Variants in COL25A1 observed in about 807,000 individuals in gnomAD.
COL25A1 encodes collagen alpha-1(XXV) chain.
Under a neutral mutation model 128.4 loss-of-function variants are expected in COL25A1, and 103 were observed. That is an observed-to-expected ratio of 0.80 (90% CI 0.68 to 0.94). The LOEUF is 0.94. Among genes scored for constraint, COL25A1 ranks in the 40% least tolerant of loss-of-function variants. The probability of loss-of-function intolerance (pLI) is 0.00; values close to 1 mark genes in which losing one functional copy is unlikely to be tolerated. For synonymous variants in COL25A1, 279 were observed against 277.2 expected (o/e 1.01, Z -0.06); for missense variants, 745 against 840.0 (o/e 0.89, Z 1.40).
At chr4:109,297,359 TTC>T (rs1157729857) in intron 3 of COL25A1, among the ~76,000 whole-genome samples, 1 of 152,154 alleles carries the variant, frequency 6.6e-6, no homozygotes, top group African/African-American at 2.4e-5. Flanking sequence ...ATTAAGCTAC[TTC>T]TTTTTGTAAA....
Position 109,006,378 on chromosome 4 carries a change from A to ATTTTTTTTTTT in COL25A1, c.438+3969_438+3979dup, listed in dbSNP as rs56845799. On this transcript the variant is annotated intron_variant, in intron 6 of 37. Transcript: ENST00000399132. ...AGGTGTGCACTGCCACACCCAGCTAATTTTTTTTTTTTTTTTTTTTTTTTT... is the reference window on the plus strand; with the variant it reads ...AGGTGTGCACTGCCACACCCAGCTAATTTTTTTTTTTTTTTTTTTTTTTTTTTTTTTTTTTT... Among the ~76,000 whole-genome samples, 142 of 51,880 alleles carry ATTTTTTTTTTT rather than the reference A, an allele frequency of 2.7e-3. 2 individuals carry two copies. Among genetic ancestry groups the ATTTTTTTTTTT allele is most frequent in the East Asian group, 5.2e-3 (6 of 1,164 alleles). 34.0% of individuals were successfully genotyped at this position (51,880 alleles called of 152,430 possible). A position where few individuals can be genotyped will look rare whatever the true frequency, so the allele number is the denominator to read the frequency against.
At chr4:109,300,553 G>C (rs745720191) in intron 3 of COL25A1, 30 bp downstream of exon 3, 1 of 1,486,510 alleles carries the variant, frequency 6.7e-7, no homozygotes, top group Non-Finnish European at 9.4e-7. Context: ...CTGCTCTGGA[G>C]GAAACCTTGT....
rs1387114596 is a variant in COL25A1 at position 108,974,311 on chromosome 4, A to G, written c.492+56T>C. 34 of 1,588,742 alleles carry G rather than the reference A, an allele frequency of 2.1e-5. 1 individual carries two copies. The South Asian group carries it at 3.2e-4, about 15-fold the overall frequency. On this transcript the variant is annotated intron_variant, in intron 8 of 37. Coordinates refer to ENST00000399132, the MANE Select transcript of COL25A1 (RefSeq NM_198721.4). ...TATGAAGCTGGGGTACTTTCATTCA[A>G]TAAACTTGGAGTTAGAAACTAATTT...
chr4:108,813,968 T>A, intron 37 of COL25A1, 39 bp from the exon 38 acceptor site: 1 of 1,508,806 alleles, frequency 6.6e-7, no homozygotes, highest in Non-Finnish European at 9.2e-7. Flanking sequence ...TACATGGAAT[T>A]AGTAGTCTTG....
At chr4:109,100,305 A>G (rs1339934626) in intron 3 of COL25A1, among the ~76,000 whole-genome samples, 4 of 152,180 alleles carry the variant, frequency 2.6e-5, no homozygotes, top group Admixed American at 2.6e-4. Context: ...AAAAATCATA[A>G]AAGTGGAATG....
chr4:108,819,132 G>A, intron 36 of COL25A1, 120 bp downstream of exon 36: 2 of 661,428 alleles, frequency 3.0e-6, no homozygotes, highest in Admixed American at 3.3e-5. Flanking sequence ...TCATGCACAT[G>A]CATGTAGTGT....
chr4:109,217,441 ACT>A (rs1247359255), intron 3 of COL25A1, among the ~76,000 whole-genome samples: 1 of 152,080 alleles, frequency 6.6e-6, no homozygotes, highest in African/African-American at 2.4e-5. Flanking sequence ...ATATTTATAA[ACT>A]CTTTTATAGA....
intron 3 of COL25A1, among the ~76,000 whole-genome samples, chr4:109,124,181 A>T (rs1252824672): frequency 6.6e-6 from 1 of 152,074 alleles, no homozygotes; most frequent in Non-Finnish European, 1.5e-5. Context: ...GGTATTTTTG[A>T]CAATCCCTGC....
At position 108,819,276 on chromosome 4, in the gene COL25A1, A is replaced by T. The variant is rs1413700734; in HGVS notation, c.1899T>A (p.Asp633Glu). Residue 633 changes from aspartate (D) to glutamate (E), a missense_variant, in exon 36 of 38, where the codon GAT (aspartate) becomes GAA (glutamate). Coordinates refer to ENST00000399132, the MANE Select transcript of COL25A1 (RefSeq NM_198721.4). ...CCAATTGGCAAGGGGCATCCAGCCC[A>T]TCCAGGCCAGGCTGGCCTGGCTCCC... Reference protein sequence around the residue: ...EKGEPGQPGLDGLDAPCQLGP... With the variant: ...EKGEPGQPGLEGLDAPCQLGP... The T allele has an allele frequency of 1.9e-6, 3 of 1,612,954 alleles. No individual in the cohort carries two copies.
chr4:109,258,087 C>T (rs1440124769), intron 3 of COL25A1, among the ~76,000 whole-genome samples: 1 of 152,154 alleles, frequency 6.6e-6, no homozygotes, highest in Non-Finnish European at 1.5e-5. Flanking sequence ...CCAGCCCTGC[C>T]TTTCCATCCT....
chr4:109,049,326 T>A (rs1313239746), intron 4 of COL25A1, among the ~76,000 whole-genome samples: 1 of 152,208 alleles, frequency 6.6e-6, no homozygotes, highest in Non-Finnish European at 1.5e-5. Flanking sequence ...TAAGACTTTA[T>A]GTGGTCATTT....
At chr4:108,940,742 T>C in intron 9 of COL25A1, 96 bp from the exon 10 acceptor site, 2 of 764,844 alleles carry the variant, frequency 2.6e-6, no homozygotes, top group South Asian at 1.9e-5. Context: ...CTAATTCACA[T>C]TTACACTATG....
At chr4:108,852,306 T>G (rs760588990) in intron 25 of COL25A1, 26 bp from the exon 26 acceptor site, 1 of 1,563,974 alleles carries the variant, frequency 6.4e-7, no homozygotes, top group East Asian at 2.3e-5. Flanking sequence ...GCACAGTTTT[T>G]AAAAGTAGTA....
chr4:108,951,248 A>C (rs1253785670), intron 8 of COL25A1, among the ~76,000 whole-genome samples: 1 of 152,236 alleles, frequency 6.6e-6, no homozygotes, highest in Non-Finnish European at 1.5e-5. Context: ...GTGCCATGCC[A>C]TGTGAGTATG....
chr4:109,264,931 C>T (rs963586656), intron 3 of COL25A1, among the ~76,000 whole-genome samples: 14 of 152,150 alleles, frequency 9.2e-5, no homozygotes, highest in African/African-American at 3.4e-4. Context: ...AAATGTTTTC[C>T]AACTTAGAAA....
chr4:109,294,295 T>C (rs1188364496), intron 3 of COL25A1, among the ~76,000 whole-genome samples: 2 of 152,116 alleles, frequency 1.3e-5, no homozygotes, highest in Non-Finnish European at 2.9e-5. Flanking sequence ...AATCACAGAA[T>C]AGTCATTTGG....
chr4:109,043,223 G>C (rs1417104855), intron 5 of COL25A1, among the ~76,000 whole-genome samples: 1 of 152,014 alleles, frequency 6.6e-6, no homozygotes, highest in Non-Finnish European at 1.5e-5. Context: ...GTAGTTATTA[G>C]TATATCAGGA....
chr4:108,909,793 T>TA (rs1199286315), intron 13 of COL25A1, among the ~76,000 whole-genome samples: 1 of 152,220 alleles, frequency 6.6e-6, no homozygotes, highest in Non-Finnish European at 1.5e-5. Flanking sequence ...GTCACACAGA[T>TA]ACTCCCCCAT....
chr4:109,230,014 G>A (rs191165442), intron 3 of COL25A1, among the ~76,000 whole-genome samples: 1 of 152,154 alleles, frequency 6.6e-6, no homozygotes, highest in Non-Finnish European at 1.5e-5. Context: ...AGGAGCAAGG[G>A]GTGGGGAGGT....
Sources: gnomAD v4.1 joint callset for allele counts (sites outside exome capture counted in the v4.1 genomes callset) on GRCh38, gnomAD v4.1.1 for gene constraint, MANE v1.5 for transcripts, NCBI Gene and HGNC (gene_info 2026-07-23, HGNC 2026-07-21) for gene names.